The following FAF1 variants were observed in gnomAD, a reference collection of about 807,000 sequenced individuals.
FAF1 encodes FAS-associated factor 1.
Under a neutral mutation model 92.5 loss-of-function variants are expected in FAF1, and 25 were observed. The ratio of observed to expected loss-of-function variants is 0.27; its 90% CI spans 0.20 to 0.38. The LOEUF (loss-of-function observed/expected upper bound fraction) is 0.38. Among genes scored for constraint, FAF1 ranks in the 10% least tolerant of loss-of-function variants. The pLI, the probability that FAF1 is intolerant of heterozygous loss-of-function variation, is 1.00. For synonymous variants in FAF1, 234 were observed against 273.2 expected, an observed-to-expected ratio of 0.86 and a Z score of 1.42; for missense variants, 636 against 793.3, an observed-to-expected ratio of 0.80 and a Z score of 2.38.
chr1:50,863,235 G>A (rs1644450576), intron 1 of FAF1, among the ~76,000 whole-genome samples: 1 of 151,788 alleles, frequency 6.6e-6, no homozygotes, highest in Admixed American at 6.6e-5. Context: ...GCAAATACAT[G>A]GAAATTAAAT....
chr1:50,817,245 T>A (rs759797537), intron 2 of FAF1, among the ~76,000 whole-genome samples: 1 of 152,176 alleles, frequency 6.6e-6, no homozygotes, highest in Non-Finnish European at 1.5e-5. Context: ...GCAACCCAAG[T>A]GTCAATCAAC....
intron 8 of FAF1, among the ~76,000 whole-genome samples, chr1:50,617,815 A>C (rs984114615): frequency 6.9e-6 from 1 of 145,022 alleles, no homozygotes; most frequent in African/African-American, 2.6e-5. Flanking sequence ...CAAGTTTTTT[A>C]TTATTTATTC....
chr1:50,570,079 T>C (rs1010943506), intron 12 of FAF1, among the ~76,000 whole-genome samples: 2 of 152,146 alleles, frequency 1.3e-5, no homozygotes, highest in Non-Finnish European at 2.9e-5. Context: ...TCGACTATTA[T>C]ATCGCAGTTG....
At chr1:50,859,360 A>T (rs1644414573) in intron 1 of FAF1, among the ~76,000 whole-genome samples, 1 of 151,922 alleles carries the variant, frequency 6.6e-6, no homozygotes, top group African/African-American at 2.4e-5. Flanking sequence ...GTATCTAGAA[A>T]ACCCTAAAGA....
At chr1:50,573,094 C>A (rs1650524874) in intron 12 of FAF1, among the ~76,000 whole-genome samples, 1 of 151,452 alleles carries the variant, frequency 6.6e-6, no homozygotes, top group South Asian at 2.1e-4. Flanking sequence ...GTGACTGAAG[C>A]TGAATTTTTC....
intron 6 of FAF1, among the ~76,000 whole-genome samples, chr1:50,725,386 C>T (rs906055258): frequency 2.6e-5 from 4 of 152,186 alleles, no homozygotes; most frequent in Admixed American, 6.5e-5. Flanking sequence ...ACTCTATTCT[C>T]GCTTAATTCA....
At chr1:50,481,151 T>TA (rs1646699576) in intron 17 of FAF1, among the ~76,000 whole-genome samples, 2 of 152,116 alleles carry the variant, frequency 1.3e-5, no homozygotes, top group Non-Finnish European at 2.9e-5. Context: ...TAAGTTTACA[T>TA]AAAGTAAAAA....
chr1:50,818,401 G>GA (rs929274803), intron 2 of FAF1, among the ~76,000 whole-genome samples: 4 of 152,054 alleles, frequency 2.6e-5, no homozygotes, highest in Admixed American at 2.6e-4. Context: ...CCACTCTTAA[G>GA]AATTTACCCA....
chr1:50,724,276 T>TACACACACACAC lies in FAF1; in HGVS notation c.551+14575_551+14586dup, dbSNP rs1281878722. 1.5e-4 allele frequency among the ~76,000 whole-genome samples: 17 copies of TACACACACACAC among 114,912 alleles called. No homozygotes were observed. The South Asian group carries it at 3.2e-3, about 22-fold the overall frequency. The allele number at this position is 114,912 out of a possible 152,430, so 75.4% of individuals were successfully genotyped here. A position where few individuals can be genotyped will look rare whatever the true frequency, so the allele number is the denominator to read the frequency against. On this transcript the variant is annotated intron_variant, in intron 6 of 18. Transcript: ENST00000396153. ...AAAAACAACCATATATATATACATA[T>TACACACACACAC]ACACACACACACACACACATACACA...
chr1:50,808,263 G>A (rs898589062), intron 2 of FAF1, among the ~76,000 whole-genome samples: 3 of 152,104 alleles, frequency 2.0e-5, no homozygotes, highest in Non-Finnish European at 4.4e-5. Flanking sequence ...TTAAGGGAGT[G>A]CTAAATATGG....
rs1260204563 is a variant in FAF1 at position 50,738,974 on chromosome 1, G to A, written c.460-20C>T. 4 of 1,419,396 alleles carry A rather than the reference G, an allele frequency of 2.8e-6. No homozygotes were observed. Among genetic ancestry groups the A allele is most frequent in the Admixed American group, 3.8e-5 (2 of 52,822 alleles). The allele number at this position is 1,419,396 out of a possible 1,614,324, so 87.9% of individuals were successfully genotyped here. Reference sequence around the variant, plus strand: ...GACCGTCTGAAAAAGAAAAAACACAGCAAAAAATGAATGTTGATGTTGATT... The same window carrying A: ...GACCGTCTGAAAAAGAAAAAACACAACAAAAAATGAATGTTGATGTTGATT... On this transcript the variant is annotated intron_variant, in intron 5 of 18. Coordinates refer to ENST00000396153, the MANE Select transcript of FAF1 (RefSeq NM_007051.3).
intron 6 of FAF1, chr1:50,715,004 C>A (rs1396191683): frequency 2.3e-6 from 1 of 433,208 alleles, no homozygotes; most frequent in East Asian, 6.8e-5. Context: ...TAAAAAAAAA[C>A]CTGTTGCAAA....
chr1:50,693,553 T>C (rs868434494), intron 7 of FAF1, among the ~76,000 whole-genome samples: 8 of 152,296 alleles, frequency 5.3e-5, no homozygotes, highest in Middle Eastern at 3.4e-3. Context: ...GTTATGTATA[T>C]ATAATTTACT....
intron 2 of FAF1, among the ~76,000 whole-genome samples, chr1:50,834,685 T>C (rs1259457172): frequency 6.6e-6 from 1 of 152,198 alleles, no homozygotes; most frequent in Non-Finnish European, 1.5e-5. Flanking sequence ...AAAACTGATA[T>C]ATGTTAGCCT....
intron 2 of FAF1, among the ~76,000 whole-genome samples, chr1:50,823,198 A>C (rs1644062274): frequency 6.6e-6 from 1 of 152,232 alleles, no homozygotes; most frequent in Admixed American, 6.5e-5. Flanking sequence ...CAGCAGCAGA[A>C]GGAAAACACT....
intron 1 of FAF1, among the ~76,000 whole-genome samples, chr1:50,898,965 T>C (rs1324792377): frequency 1.3e-5 from 2 of 152,204 alleles, no homozygotes; most frequent in Non-Finnish European, 2.9e-5. Flanking sequence ...CATTTCTGCC[T>C]TCTGCAGATT....
chr1:50,845,066 A>G (rs1644286904), intron 2 of FAF1, among the ~76,000 whole-genome samples: 2 of 152,314 alleles, frequency 1.3e-5, no homozygotes, highest in African/African-American at 4.8e-5. Flanking sequence ...TGTCTCAGTT[A>G]TCAATTTATT....
At chr1:50,853,213 C>G (rs1353819549) in intron 2 of FAF1, among the ~76,000 whole-genome samples, 1 of 152,148 alleles carries the variant, frequency 6.6e-6, no homozygotes, top group Non-Finnish European at 1.5e-5. Flanking sequence ...AGTAGTGGAA[C>G]TGCTACATGA....
intron 4 of FAF1, among the ~76,000 whole-genome samples, chr1:50,781,590 T>C (rs996533731): frequency 6.6e-6 from 1 of 152,136 alleles, no homozygotes; most frequent in African/African-American, 2.4e-5. Context: ...CAATAATGAA[T>C]AGAAATATCC....
Sources: allele counts gnomAD v4.1 joint callset (sites outside exome capture counted in the v4.1 genomes callset), GRCh38; gene constraint gnomAD v4.1.1; transcripts MANE v1.5; gene names NCBI Gene and HGNC (gene_info 2026-07-23, HGNC 2026-07-21).